ALPK1: variants seen among roughly 807,000 people sequenced by gnomAD.
ALPK1 encodes the protein alpha kinase 1, also known as alpha-protein kinase 1.
In ALPK1, 110 loss-of-function variants were observed where a neutral mutation model predicts 120.6. The observed-to-expected ratio is 0.91, with a 90% CI of 0.78 to 1.07. ALPK1 has a LOEUF of 1.07. ALPK1 is among the 50% of genes least tolerant of loss of function. The probability of loss-of-function intolerance (pLI) is 0.00; values close to 1 mark genes in which losing one functional copy is unlikely to be tolerated. For synonymous variants in ALPK1, 582 were observed against 560.3 expected (o/e 1.04, Z -0.55); for missense variants, 1,498 against 1,483.9 (o/e 1.01, Z -0.16).
At chr4:112,440,820 T>TGTGTGTGC (rs147680023) in intron 14 of ALPK1, 97 bp from the exon 15 acceptor site, 9 of 1,488,288 alleles carry the variant, frequency 6.0e-6, no homozygotes, top group Non-Finnish European at 8.0e-6. Context: ...TAAGTGTGTG[T>TGTGTGTGC]GTGTGTGTGT....
intron 5 of ALPK1, among the ~76,000 whole-genome samples, chr4:112,417,723 C>T (rs1733804881): frequency 6.6e-6 from 1 of 152,160 alleles, no homozygotes; most frequent in Admixed American, 6.5e-5. Context: ...TGGGCTCAAG[C>T]GATCCTCCTG....
In ALPK1 at chr4:112,337,099, T is replaced by C. The variant is rs551731093; in HGVS notation, c.-101+21247T>C. Among the ~76,000 whole-genome samples, 72 of 152,250 alleles carry C rather than the reference T, an allele frequency of 4.7e-4. 2 individuals are homozygous for C. Among genetic ancestry groups the C allele is most frequent in the Admixed American group, 4.7e-3 (72 of 15,300 alleles). ...TTCCCATTCTGAAAAGAGTCCTTTT[T>C]TTATTAGATTTTCCTGAAAGCCACT... On this transcript the variant is annotated intron_variant, in intron 2 of 15. Transcript: ENST00000650871.
At chr4:112,304,897 T>A (rs1727960971) in intron 1 of ALPK1, among the ~76,000 whole-genome samples, 1 of 152,136 alleles carries the variant, frequency 6.6e-6, no homozygotes, top group African/African-American at 2.4e-5. Context: ...AACGTTTAAG[T>A]CTTTAATCCA....
At chr4:112,422,768 A>G (rs1318734110) in intron 5 of ALPK1, among the ~76,000 whole-genome samples, 1 of 152,252 alleles carries the variant, frequency 6.6e-6, no homozygotes, top group African/African-American at 2.4e-5. Flanking sequence ...CACAGTAGGC[A>G]TTTGGTACTG....
intron 2 of ALPK1, chr4:112,357,268 T>A: frequency 7.5e-7 from 1 of 1,326,742 alleles, no homozygotes; most frequent in Non-Finnish European, 1.1e-6. Context: ...CAGGACGTGC[T>A]GGGGTGTTCG....
At chr4:112,382,310 TGCC>T in intron 3 of ALPK1, 85 bp from the exon 4 acceptor site, 2 of 762,296 alleles carry the variant, frequency 2.6e-6, no homozygotes. Flanking sequence ...TTTTTTTTTT[TGCC>T]ACTGAGGTGC....
At chr4:112,324,977 G>T (rs542999968) in intron 2 of ALPK1, among the ~76,000 whole-genome samples, 1 of 121,902 alleles carries the variant, frequency 8.2e-6, no homozygotes, top group Non-Finnish European at 1.8e-5. Flanking sequence ...AAAAAAAAGG[G>T]GGGGGGGGGC....
intron 1 of ALPK1, among the ~76,000 whole-genome samples, chr4:112,313,430 T>C (rs1434361826): frequency 3.3e-5 from 5 of 152,150 alleles, no homozygotes; most frequent in Non-Finnish European, 7.4e-5. Context: ...GAGTAAGAAT[T>C]GACTGCTGGA....
Position 112,436,008 on chromosome 4 carries a change from G to A in ALPK1, c.3188+707G>A, listed in dbSNP as rs75418347. Among the ~76,000 whole-genome samples the A allele has an allele frequency of 8.9e-3, 1,350 of 152,274 alleles. 16 individuals are homozygous for A. The highest frequency in any genetic ancestry group is 0.031 in the African/African-American group (1,278 of 41,524). Reference sequence around the variant, plus strand: ...TCACCTGAAAAATTAGTAACCACAGGTGGTCTTCATTGGATTTAAGACATA... The same window carrying A: ...TCACCTGAAAAATTAGTAACCACAGATGGTCTTCATTGGATTTAAGACATA... On this transcript the variant is annotated intron_variant, in intron 12 of 15. Transcript: ENST00000650871.
chr4:112,357,102 TG>T, intron 2 of ALPK1: 1 of 1,158,958 alleles, frequency 8.6e-7, no homozygotes, highest in Non-Finnish European at 1.3e-6. Flanking sequence ...CTGCTCTGCC[TG>T]GAAGGGGCCA....
chr4:112,418,889 C>G (rs1251062911), intron 5 of ALPK1, among the ~76,000 whole-genome samples: 1 of 152,132 alleles, frequency 6.6e-6, no homozygotes. Flanking sequence ...ATTACTGCTT[C>G]TATTTGATAC....
At chr4:112,408,324 C>G (rs549529267) in intron 4 of ALPK1, among the ~76,000 whole-genome samples, 2 of 152,278 alleles carry the variant, frequency 1.3e-5, no homozygotes, top group South Asian at 2.1e-4. Context: ...GCTGAAGATA[C>G]AAAACAAAGG....
chr4:112,355,860 T>C, intron 2 of ALPK1, among the ~76,000 whole-genome samples: 1 of 152,228 alleles, frequency 6.6e-6, no homozygotes, highest in East Asian at 1.9e-4. Flanking sequence ...CCGCGAAGTC[T>C]GAACTGCCTG....
At chr4:112,357,983 G>T (rs925076737) in intron 2 of ALPK1, 19 of 685,496 alleles carry the variant, frequency 2.8e-5, no homozygotes, top group Non-Finnish European at 5.1e-5. Flanking sequence ...CTTCCTGGCG[G>T]TATGCCGGGG....
intron 4 of ALPK1, among the ~76,000 whole-genome samples, chr4:112,404,418 C>G (rs577199119): frequency 6.6e-6 from 1 of 152,306 alleles, no homozygotes; most frequent in South Asian, 2.1e-4. Flanking sequence ...CCTGAAACAG[C>G]ACCACAAATG....
At chr4:112,348,726 C>T (rs1255635544) in intron 2 of ALPK1, among the ~76,000 whole-genome samples, 5 of 152,260 alleles carry the variant, frequency 3.3e-5, no homozygotes, top group African/African-American at 1.2e-4. Flanking sequence ...CTGCTGGTGA[C>T]ATGAACACGC....
In ALPK1 at chr4:112,324,338, A is replaced by AAG. The variant is rs1193177096; in HGVS notation, c.-101+8487_-101+8488insGA. Among the ~76,000 whole-genome samples the AAG allele has an allele frequency of 1.2e-3, 154 of 131,840 alleles. 3 individuals are homozygous for AAG. Among genetic ancestry groups the AAG allele is most frequent in the African/African-American group, 4.3e-3 (138 of 32,190 alleles). 86.5% of individuals were successfully genotyped at this position (131,840 alleles called of 152,430 possible). A position where few individuals can be genotyped will look rare whatever the true frequency, so the allele number is the denominator to read the frequency against. On this transcript the variant is annotated intron_variant, in intron 2 of 15. Coordinates refer to ENST00000650871, the MANE Select transcript of ALPK1 (RefSeq NM_025144.4). The stretch of plus-strand genomic sequence containing the variant: ...CAAGACTCCATCTCAGAAAAAAAAA[A>AAG]AAGAAAAAAAAAAGCCTGCTCTTTG...
chr4:112,403,996 G>A (rs1219075780), intron 4 of ALPK1, among the ~76,000 whole-genome samples: 3 of 152,256 alleles, frequency 2.0e-5, no homozygotes, highest in Non-Finnish European at 4.4e-5. Context: ...ACAGCCAAAA[G>A]CAATTCGCAC....
At chr4:112,422,835 A>T (rs1734060762) in intron 5 of ALPK1, among the ~76,000 whole-genome samples, 1 of 152,222 alleles carries the variant, frequency 6.6e-6, no homozygotes, top group Non-Finnish European at 1.5e-5. Flanking sequence ...TGTCCTCTGC[A>T]TGGGCCTCTC....
Sources: allele counts gnomAD v4.1 joint callset (sites outside exome capture counted in the v4.1 genomes callset), GRCh38; gene constraint gnomAD v4.1.1; transcripts MANE v1.5; gene names NCBI Gene and HGNC (gene_info 2026-07-23, HGNC 2026-07-21).